ZNF414: variants seen among roughly 807,000 people sequenced by gnomAD.
The protein encoded by ZNF414 is zinc finger protein 414.
A neutral mutation model predicts 38.3 loss-of-function variants in ZNF414; 32 were observed. The ratio of observed to expected loss-of-function variants is 0.83; its 90% CI spans 0.63 to 1.12. The LOEUF (loss-of-function observed/expected upper bound fraction) is 1.12. Among genes scored for constraint, ZNF414 ranks in the 50% most tolerant of loss-of-function variants. The probability of loss-of-function intolerance (pLI) is 0.00; values close to 1 mark genes in which losing one functional copy is unlikely to be tolerated. For missense variants in ZNF414, 589 were observed against 557.4 expected (o/e 1.06, Z -0.57); for synonymous variants, 256 against 248.0 (o/e 1.03, Z -0.30).
rs1183465331 is a variant in ZNF414 at position 8,511,716 on chromosome 19, G to A, written c.775C>T (p.Pro259Ser). 3.4e-6 allele frequency: 5 copies of A among 1,484,474 alleles called. No individual in the cohort carries two copies. The East Asian group carries it at 9.7e-5, about 29-fold the overall frequency. 92.0% of individuals were successfully genotyped at this position (1,484,474 alleles called of 1,614,324 possible). ...PTGPFLPYLNPAPFGLSPPRL... is the reference protein window; with the variant it reads ...PTGPFLPYLNSAPFGLSPPRL... The stretch of plus-strand genomic sequence containing the variant: ...GGGGGGCTTAGGCCAAAGGGCGCAG[G>A]GTTCAAGTAGGGCAGGAACGGTCCG... The change falls in exon 5 of 8, where the codon CCT becomes TCT. Residue 259 changes from proline to serine, a missense_variant. Physicochemically the swap from Pro to Ser is moderately conservative, Grantham distance 74. Transcript: ENST00000393927.
In ZNF414 at chr19:8,514,037, C is replaced by T; in HGVS notation, c.3+7G>A. Reference sequence around the variant, plus strand: ...CGCCGCGCCCGCGACCCCGGTGCCGCGCTCACCATCTTCGACACGGCTCGG... The same window carrying T: ...CGCCGCGCCCGCGACCCCGGTGCCGTGCTCACCATCTTCGACACGGCTCGG... On this transcript the variant is annotated splice_region_variant and intron_variant, in intron 1 of 7. Transcript: ENST00000393927. 2 of 1,473,012 alleles carry T rather than the reference C, an allele frequency of 1.4e-6. No homozygotes were observed. The highest frequency in any genetic ancestry group is 1.3e-5 in the South Asian group (1 of 76,704). 91.2% of individuals were successfully genotyped at this position (1,473,012 alleles called of 1,614,324 possible).
chr19:8,509,894 A>G lies in ZNF414; in HGVS notation c.*797T>C, dbSNP rs988554046. 1 of 151,984 alleles carries G rather than the reference A, an allele frequency of 6.6e-6. No individual in the cohort carries two copies. The highest frequency in any genetic ancestry group is 2.4e-5 in the African/African-American group (1 of 41,418). 9.4% of individuals were successfully genotyped at this position (151,984 alleles called of 1,614,324 possible). On this transcript the variant is annotated 3_prime_UTR_variant, in exon 8 of 8. Transcript: ENST00000393927. ...GAGATGGGGTTTTACCATGTAAGTC[A>G]GGCTGGTCTCGAACTCCTGACCTCA...
chr19:8,510,816 GCC>G, intron 7 of ZNF414, 33 bp downstream of exon 7: 1 of 1,481,130 alleles, frequency 6.8e-7, no homozygotes, highest in Admixed American at 2.1e-5. Flanking sequence ...TTGGGCCCCC[GCC>G]CCCCTCTCCA....
At position 8,513,084 on chromosome 19, in the gene ZNF414, G is replaced by T. The variant is rs1039007689; in HGVS notation, c.261C>A (p.Ser87Arg). Residue 87 changes from serine to arginine, a missense_variant, in exon 2 of 8, where the codon AGC becomes AGA. Ser to Arg is a moderately radical substitution (Grantham distance 110). Coordinates refer to ENST00000393927, the MANE Select transcript of ZNF414 (RefSeq NM_001146175.2). ...GGTCCTCGCTGGTCCCGGAGACTATGCTGGTCAGGCCAGGGCTGGGTCCGG... is the reference window on the plus strand; with the variant it reads ...GGTCCTCGCTGGTCCCGGAGACTATTCTGGTCAGGCCAGGGCTGGGTCCGG... ...PGPGPSPGLT[S>R]IVSGTSEDLR... The T allele has an allele frequency of 2.6e-6, 4 of 1,514,570 alleles. No individual in the cohort carries two copies. Among genetic ancestry groups the T allele is most frequent in the Non-Finnish European group, 3.5e-6 (4 of 1,134,126 alleles). The allele number at this position is 1,514,570 out of a possible 1,614,324, so 93.8% of individuals were successfully genotyped here. A position where few individuals can be genotyped will look rare whatever the true frequency, so the allele number is the denominator to read the frequency against.
chr19:8,510,514 CAA>C lies in ZNF414; in HGVS notation c.*175_*176del. On this transcript the variant is annotated 3_prime_UTR_variant, in exon 8 of 8. Coordinates refer to ENST00000393927, the MANE Select transcript of ZNF414 (RefSeq NM_001146175.2). The stretch of plus-strand genomic sequence containing the variant: ...CCAGGTGGTCCTCCCAAGATGTGAT[CAA>C]TCCATGACTGCTGGGCTCGAGCCCA... 2 of 631,286 alleles carry C rather than the reference CAA, an allele frequency of 3.2e-6. No homozygotes were observed. The highest frequency in any genetic ancestry group is 1.9e-5 in the African/African-American group (1 of 52,304). The allele number at this position is 631,286 out of a possible 1,614,324, so 39.1% of individuals were successfully genotyped here. A position where few individuals can be genotyped will look rare whatever the true frequency, so the allele number is the denominator to read the frequency against.
chr19:8,510,611 C>G lies in ZNF414; in HGVS notation c.*80G>C. 6.9e-7 allele frequency: 1 copy of G among 1,444,854 alleles called. No homozygotes were observed. The highest frequency in any genetic ancestry group is 9.4e-7 in the Non-Finnish European group (1 of 1,069,066). The allele number at this position is 1,444,854 out of a possible 1,614,324, so 89.5% of individuals were successfully genotyped here. A position where few individuals can be genotyped will look rare whatever the true frequency, so the allele number is the denominator to read the frequency against. Reference sequence around the variant, plus strand: ...CTCATGGCGCCTTCTTTATTGTCCACCCCAGCCCCCCTTCCCTGCAGCCCC... The same window carrying G: ...CTCATGGCGCCTTCTTTATTGTCCAGCCCAGCCCCCCTTCCCTGCAGCCCC... On this transcript the variant is annotated 3_prime_UTR_variant, in exon 8 of 8. Coordinates refer to ENST00000393927, the MANE Select transcript of ZNF414 (RefSeq NM_001146175.2).
At chr19:8,511,244 T>C (rs1390201993) in intron 6 of ZNF414, 3 of 1,369,418 alleles carry the variant, frequency 2.2e-6, no homozygotes, top group East Asian at 3.0e-5. Flanking sequence ...AGATTCACTG[T>C]TGGGGAGAAG....
In ZNF414 at chr19:8,512,457, C is replaced by T. The variant is rs747003849; in HGVS notation, c.460G>A (p.Glu154Lys). 17 of 1,614,008 alleles carry T rather than the reference C, an allele frequency of 1.1e-5. No individual in the cohort carries two copies. The highest frequency in any genetic ancestry group is 5.5e-5 in the South Asian group (5 of 91,074). ...LFRCSALSCT[E>K]TFPSMQELVA... Reference sequence around the variant, plus strand: ...AGCTCCTGCATGCTGGGGAAGGTCTCGGTGCAGCTCAGGGCTGAGCAGCGG... The same window carrying T: ...AGCTCCTGCATGCTGGGGAAGGTCTTGGTGCAGCTCAGGGCTGAGCAGCGG... The change falls in exon 4 of 8, where the codon GAG (glutamate) becomes AAG (lysine). Residue 154 changes from glutamate (E) to lysine (K), a missense_variant. Transcript: ENST00000393927.
rs1384429274 is a variant in ZNF414, at chr19:8,513,075, G to A, written c.270C>T (p.Ser90=). 12 of 1,502,250 alleles carry A rather than the reference G, an allele frequency of 8.0e-6. No homozygotes were observed. Among genetic ancestry groups the A allele is most frequent in the African/African-American group, 2.8e-5 (2 of 70,694 alleles). The allele number at this position is 1,502,250 out of a possible 1,614,324, so 93.1% of individuals were successfully genotyped here. Residue 90 remains serine, a synonymous_variant, in exon 2 of 8, where the codon TCC becomes TCT. Transcript: ENST00000393927. ...GAGGCCGCAGGTCCTCGCTGGTCCCGGAGACTATGCTGGTCAGGCCAGGGC... is the reference window on the plus strand; with the variant it reads ...GAGGCCGCAGGTCCTCGCTGGTCCCAGAGACTATGCTGGTCAGGCCAGGGC... ...GPSPGLTSIV[S]GTSEDLRPPR... is the part of the protein sequence containing the mutation.
intron 1 of ZNF414, among the ~76,000 whole-genome samples, chr19:8,513,589 GC>G (rs553555946): frequency 1.3e-5 from 2 of 152,262 alleles, no homozygotes; most frequent in South Asian, 4.1e-4. Flanking sequence ...CACTGCACTG[GC>G]CCGGATTGAG....
intron 6 of ZNF414, 85 bp from the exon 7 acceptor site, chr19:8,511,109 T>G (rs1599890363): frequency 5.5e-6 from 7 of 1,271,524 alleles, no homozygotes; most frequent in South Asian, 2.7e-5. Flanking sequence ...CCGGCGAGGG[T>G]GGGTGGGACT....
At position 8,510,465 on chromosome 19, in the gene ZNF414, G is replaced by T; in HGVS notation, c.*226C>A. On this transcript the variant is annotated 3_prime_UTR_variant, in exon 8 of 8. Transcript: ENST00000393927. Reference sequence around the variant, plus strand: ...TGATGGGAAGACAGGACACAGGTGGGCTGTGAGGCCTGCACCTGTGGACCC... The same window carrying T: ...TGATGGGAAGACAGGACACAGGTGGTCTGTGAGGCCTGCACCTGTGGACCC... 2.4e-6 allele frequency: 1 copy of T among 409,116 alleles called. No individual in the cohort carries two copies. The highest frequency in any genetic ancestry group is 4.4e-6 in the Non-Finnish European group (1 of 226,936). The allele number at this position is 409,116 out of a possible 1,614,324, so 25.3% of individuals were successfully genotyped here.
intron 3 of ZNF414, 54 bp downstream of exon 3, chr19:8,512,550 G>A: frequency 1.9e-6 from 3 of 1,609,596 alleles, no homozygotes; most frequent in Non-Finnish European, 1.7e-6. Flanking sequence ...GCTCCGAGGG[G>A]CTCCGCCTGT....
At position 8,510,513 on chromosome 19, in the gene ZNF414, T is replaced by TTG; in HGVS notation, c.*177_*178insCA. 1 of 625,080 alleles carries TTG rather than the reference T, an allele frequency of 1.6e-6. No homozygotes were observed. The highest frequency in any genetic ancestry group is 1.9e-5 in the African/African-American group (1 of 52,100). The allele number at this position is 625,080 out of a possible 1,614,324, so 38.7% of individuals were successfully genotyped here. A position where few individuals can be genotyped will look rare whatever the true frequency, so the allele number is the denominator to read the frequency against. On this transcript the variant is annotated 3_prime_UTR_variant, in exon 8 of 8. Coordinates refer to ENST00000393927, the MANE Select transcript of ZNF414 (RefSeq NM_001146175.2). ...CCCAGGTGGTCCTCCCAAGATGTGA[T>TTG]CAATCCATGACTGCTGGGCTCGAGC...
intron 1 of ZNF414, among the ~76,000 whole-genome samples, 194 bp from the exon 2 acceptor site, chr19:8,513,535 C>T (rs1971948560): frequency 6.6e-6 from 1 of 152,164 alleles, no homozygotes; most frequent in South Asian, 2.1e-4. Flanking sequence ...TCAAGTGATC[C>T]TCCTGCCTCA....
intron 2 of ZNF414, 25 bp from the exon 3 acceptor site, chr19:8,512,736 C>A: frequency 6.8e-7 from 1 of 1,476,600 alleles, no homozygotes; most frequent in South Asian, 1.4e-5. Context: ...GAACAGTGGT[C>A]ACTGGTCCCT....
Position 8,513,094 on chromosome 19 carries a change from C to T in ZNF414, c.251G>A (p.Gly84Asp). 4 of 1,531,330 alleles carry T rather than the reference C, an allele frequency of 2.6e-6. No individual in the cohort carries two copies. The South Asian group carries it at 4.8e-5, about 19-fold the overall frequency. The allele number at this position is 1,531,330 out of a possible 1,614,324, so 94.9% of individuals were successfully genotyped here. The part of the protein sequence containing the change: ...SCQPGPGPSP[G>D]LTSIVSGTSE... Reference sequence around the variant, plus strand: ...GGTCCCGGAGACTATGCTGGTCAGGCCAGGGCTGGGTCCGGGGCCAGGCTG... The same window carrying T: ...GGTCCCGGAGACTATGCTGGTCAGGTCAGGGCTGGGTCCGGGGCCAGGCTG... Residue 84 changes from glycine to aspartate, a missense_variant, in exon 2 of 8, where the codon GGC becomes GAC. By Grantham distance (94) the Gly-to-Asp change is moderately conservative. Transcript: ENST00000393927.
At position 8,512,234 on chromosome 19, in the gene ZNF414, CCCCAT is replaced by C; in HGVS notation, c.530+148_530+152del. ...TGGGGCCACGCCCACGTATGCCCCGCCCCATCCAGGGAGTTGAGGGCGGGGCTTCC... is the reference window on the plus strand; with the variant it reads ...TGGGGCCACGCCCACGTATGCCCCGCCCAGGGAGTTGAGGGCGGGGCTTCC... On this transcript the variant is annotated intron_variant, in intron 4 of 7. Coordinates refer to ENST00000393927, the MANE Select transcript of ZNF414 (RefSeq NM_001146175.2). The C allele has an allele frequency of 4.1e-6, 6 of 1,445,822 alleles. No homozygotes were observed. In the South Asian group the frequency reaches 8.4e-5, roughly 20 times the overall value. 89.6% of individuals were successfully genotyped at this position (1,445,822 alleles called of 1,614,324 possible).
Position 8,514,146 on chromosome 19 carries a change from C to T in ZNF414, c.-100G>A, listed in dbSNP as rs1051805623. ...TGCGAGTTCGCGCTCACGTCAGCGCCATTTTCCACCTCTCAGCTCTCGCGA... is the reference window on the plus strand; with the variant it reads ...TGCGAGTTCGCGCTCACGTCAGCGCTATTTTCCACCTCTCAGCTCTCGCGA... On this transcript the variant is annotated 5_prime_UTR_variant, in exon 1 of 8. An upstream start codon of the reference 5' UTR is lost. Coordinates refer to ENST00000393927, the MANE Select transcript of ZNF414 (RefSeq NM_001146175.2). 2.2e-6 allele frequency: 3 copies of T among 1,337,658 alleles called. No individual in the cohort carries two copies. In the African/African-American group the frequency reaches 4.6e-5, roughly 20 times the overall value. The allele number at this position is 1,337,658 out of a possible 1,614,324, so 82.9% of individuals were successfully genotyped here.
Sources: allele counts gnomAD v4.1 joint callset (sites outside exome capture counted in the v4.1 genomes callset), GRCh38; gene constraint gnomAD v4.1.1; transcripts MANE v1.5; gene names NCBI Gene and HGNC (gene_info 2026-07-23, HGNC 2026-07-21).